REEP1: variants seen among roughly 807,000 people sequenced by gnomAD.
REEP1 encodes receptor expression-enhancing protein 1.
In REEP1, 22 loss-of-function variants were observed where a neutral mutation model predicts 40.3. That is an observed-to-expected ratio of 0.55 (90% CI 0.39 to 0.78). The LOEUF (loss-of-function observed/expected upper bound fraction) is 0.78. REEP1 is among the 30% of genes least tolerant of loss of function. The probability of loss-of-function intolerance (pLI) is 0.00; values close to 1 mark genes in which losing one functional copy is unlikely to be tolerated. For synonymous variants in REEP1, 116 were observed against 139.2 expected, an observed-to-expected ratio of 0.83 and a Z score of 1.17; for missense variants, 280 against 361.1, an observed-to-expected ratio of 0.78 and a Z score of 1.82.
chr2:86,270,929 C>T (rs1677409607), intron 2 of REEP1, among the ~76,000 whole-genome samples: 1 of 152,026 alleles, frequency 6.6e-6, no homozygotes, highest in Non-Finnish European at 1.5e-5. Flanking sequence ...AAACCCTGAT[C>T]AGGTGTGATG....
At chr2:86,301,429 G>T (rs1452960986) in intron 1 of REEP1, among the ~76,000 whole-genome samples, 2 of 152,184 alleles carry the variant, frequency 1.3e-5, no homozygotes, top group African/African-American at 4.8e-5. Flanking sequence ...TTAGCTTTAT[G>T]ACTTTGATTA....
At chr2:86,269,123 A>C (rs1677302896) in intron 2 of REEP1, among the ~76,000 whole-genome samples, 1 of 152,214 alleles carries the variant, frequency 6.6e-6, no homozygotes, top group Non-Finnish European at 1.5e-5. Flanking sequence ...CTATGAAAGA[A>C]AAAAATCGTT....
chr2:86,225,282 GT>G (rs967811453), intron 7 of REEP1, among the ~76,000 whole-genome samples: 1 of 152,036 alleles, frequency 6.6e-6, no homozygotes, highest in Non-Finnish European at 1.5e-5. Context: ...CAGCTTTTTT[GT>G]TTTTTTAGAT....
chr2:86,312,545 T>C (rs1679812469), intron 1 of REEP1, among the ~76,000 whole-genome samples: 1 of 152,100 alleles, frequency 6.6e-6, no homozygotes, highest in Admixed American at 6.5e-5. Flanking sequence ...ATATGTAATG[T>C]TTAAGAACTG....
chr2:86,309,180 G>A (rs1679641873), intron 1 of REEP1, among the ~76,000 whole-genome samples: 1 of 152,168 alleles, frequency 6.6e-6, no homozygotes, highest in African/African-American at 2.4e-5. Flanking sequence ...CACTCCCTGG[G>A]TGAGCTCCCT....
intron 1 of REEP1, among the ~76,000 whole-genome samples, chr2:86,334,856 C>T (rs991777087): frequency 2.0e-5 from 3 of 152,116 alleles, no homozygotes; most frequent in Admixed American, 2.0e-4. Context: ...TAGTGCTCTC[C>T]GTGGTGCTTG....
intron 1 of REEP1, among the ~76,000 whole-genome samples, chr2:86,297,389 C>G (rs1217074171): frequency 6.6e-6 from 1 of 152,180 alleles, no homozygotes; most frequent in African/African-American, 2.4e-5. Flanking sequence ...GGATAATATA[C>G]GTTATGATAC....
At chr2:86,263,907 CCT>C (rs1185161230) in intron 3 of REEP1, 56 bp downstream of exon 3, 3 of 1,337,070 alleles carry the variant, frequency 2.2e-6, no homozygotes, top group Non-Finnish European at 3.2e-6. Flanking sequence ...CCCACCTCCC[CCT>C]GAGTGACACT....
At chr2:86,260,941 T>C (rs1176566427) in intron 3 of REEP1, among the ~76,000 whole-genome samples, 1 of 152,200 alleles carries the variant, frequency 6.6e-6, no homozygotes, top group African/African-American at 2.4e-5. Flanking sequence ...AGAAAACTAA[T>C]ATGCCTCCCA....
At chr2:86,247,470 A>G (rs181066165) in intron 5 of REEP1, among the ~76,000 whole-genome samples, 154 of 152,272 alleles carry the variant, frequency 1.0e-3, no homozygotes, top group African/African-American at 3.2e-3. Context: ...ATGCTGAGGT[A>G]GGAGGATCAC....
At chr2:86,270,740 T>C (rs1308167515) in intron 2 of REEP1, among the ~76,000 whole-genome samples, 1 of 152,064 alleles carries the variant, frequency 6.6e-6, no homozygotes, top group Admixed American at 6.6e-5. Context: ...CCATGCAGAC[T>C]AAAGCCTAGA....
rs928979158 is a variant in REEP1 at position 86,272,959 on chromosome 2, T to TA, written c.106-8919dup. 2.0e-5 allele frequency among the ~76,000 whole-genome samples: 3 copies of TA among 151,778 alleles called. No homozygotes were observed. In the South Asian group the frequency reaches 6.3e-4, roughly 32 times the overall value. The stretch of plus-strand genomic sequence containing the variant: ...GAAATGCGGTGAAACCCCGTCTCTA[T>TA]AAAAAAACACAAAAATTAGCTGGGC... On this transcript the variant is annotated intron_variant, in intron 2 of 8. Coordinates refer to ENST00000538924, the MANE Select transcript of REEP1 (RefSeq NM_001371279.1).
intron 2 of REEP1, among the ~76,000 whole-genome samples, chr2:86,265,898 C>T (rs553520862): frequency 1.1e-4 from 17 of 152,272 alleles, no homozygotes; most frequent in Non-Finnish European, 1.8e-4. Flanking sequence ...TGTAATATAT[C>T]CACGTAACAA....
intron 1 of REEP1, among the ~76,000 whole-genome samples, chr2:86,313,791 C>T (rs1003654665): frequency 2.0e-5 from 3 of 152,138 alleles, no homozygotes; most frequent in Non-Finnish European, 4.4e-5. Flanking sequence ...TGGGGCTAGG[C>T]AGATCAGGGA....
intron 1 of REEP1, among the ~76,000 whole-genome samples, chr2:86,336,015 G>C (rs541358693): frequency 5.3e-5 from 8 of 151,478 alleles, no homozygotes; most frequent in African/African-American, 1.7e-4. Context: ...AGCCAGGCCA[G>C]CTCAACTCTC....
chr2:86,331,656 C>A (rs889202123), intron 1 of REEP1, among the ~76,000 whole-genome samples: 13 of 152,152 alleles, frequency 8.5e-5, no homozygotes, highest in Non-Finnish European at 1.6e-4. Context: ...TGTCCTAGAA[C>A]TGCCAGGTGA....
intron 7 of REEP1, among the ~76,000 whole-genome samples, chr2:86,222,439 G>A (rs1674480744): frequency 2.0e-5 from 3 of 152,196 alleles, no homozygotes; most frequent in Admixed American, 1.3e-4. Flanking sequence ...ACATCTCCTA[G>A]TCACTGTGTC....
intron 1 of REEP1, among the ~76,000 whole-genome samples, chr2:86,331,458 T>G (rs1680757293): frequency 6.7e-6 from 1 of 150,212 alleles, no homozygotes; most frequent in South Asian, 2.1e-4. Flanking sequence ...GGAAAGGATA[T>G]ACACACCTAA....
intron 1 of REEP1, among the ~76,000 whole-genome samples, chr2:86,324,399 T>C (rs991123536): frequency 2.0e-5 from 3 of 152,118 alleles, no homozygotes; most frequent in Non-Finnish European, 4.4e-5. Flanking sequence ...AGATGCTCAG[T>C]CTCATGAGTG....
Sources: allele counts gnomAD v4.1 joint callset (sites outside exome capture counted in the v4.1 genomes callset), GRCh38; gene constraint gnomAD v4.1.1; transcripts MANE v1.5; gene names NCBI Gene and HGNC (gene_info 2026-07-23, HGNC 2026-07-21).